RPS6KA5: variants seen among roughly 807,000 people sequenced by gnomAD.
The protein encoded by RPS6KA5 is ribosomal protein S6 kinase alpha-5.
A neutral mutation model predicts 85.5 loss-of-function variants in RPS6KA5; 27 were observed. That is an observed-to-expected ratio of 0.32 (90% CI 0.23 to 0.44). RPS6KA5 has a LOEUF of 0.44. Ranked by LOEUF, RPS6KA5 falls within the 20% of genes least tolerant of loss-of-function variation. The pLI, the probability that RPS6KA5 is intolerant of heterozygous loss-of-function variation, is 1.00. For missense variants in RPS6KA5, 811 were observed against 980.9 expected, an observed-to-expected ratio of 0.83 and a Z score of 2.31; for synonymous variants, 334 against 348.2, an observed-to-expected ratio of 0.96 and a Z score of 0.46.
At chr14:91,033,986 T>C (rs181390414) in intron 1 of RPS6KA5, among the ~76,000 whole-genome samples, 192 of 152,184 alleles carry the variant, frequency 1.3e-3, no homozygotes, top group African/African-American at 4.1e-3. Context: ...TCCAAGAACA[T>C]AAGGCTATGC....
At chr14:91,053,711 T>G (rs1205393108) in intron 1 of RPS6KA5, among the ~76,000 whole-genome samples, 1 of 152,198 alleles carries the variant, frequency 6.6e-6, no homozygotes, top group Non-Finnish European at 1.5e-5. Flanking sequence ...CCTAAATAAA[T>G]GGAAAGACAT....
At chr14:91,018,128 CCACAAACA>C (rs2139776555) in intron 1 of RPS6KA5, among the ~76,000 whole-genome samples, 1 of 152,248 alleles carries the variant, frequency 6.6e-6, no homozygotes, top group Admixed American at 6.5e-5. Context: ...AGGTAAAAAA[CCACAAACA>C]TCTCAGGTGC....
chr14:90,885,625 C>CCAGCT (rs1318841532), intron 14 of RPS6KA5, among the ~76,000 whole-genome samples: 21 of 134,494 alleles, frequency 1.6e-4, no homozygotes, highest in African/African-American at 5.5e-4. Context: ...GCCTGTAGTC[C>CCAGCT]CAGCTACTCG....
chr14:90,924,429 T>A (rs992432058), intron 5 of RPS6KA5, among the ~76,000 whole-genome samples: 1 of 152,274 alleles, frequency 6.6e-6, no homozygotes, highest in Middle Eastern at 3.4e-3. Context: ...CTGATGAGAT[T>A]TGACAGGGGA....
At chr14:90,992,385 C>T (rs760483071) in intron 2 of RPS6KA5, among the ~76,000 whole-genome samples, 28 of 152,166 alleles carry the variant, frequency 1.8e-4, no homozygotes, top group Non-Finnish European at 3.2e-4. Context: ...AAAGGTAAAA[C>T]ATTACAGGTA....
chr14:90,971,612 T>C (rs1383576983), intron 3 of RPS6KA5, among the ~76,000 whole-genome samples: 2 of 152,216 alleles, frequency 1.3e-5, no homozygotes, highest in Admixed American at 1.3e-4. Flanking sequence ...AATGGCAAGA[T>C]AATACTAACA....
Position 90,860,031 on chromosome 14 carries a change from G to C in RPS6KA5, c.*12043C>G, listed in dbSNP as rs2032465571. The C allele has an allele frequency of 6.6e-6, 1 of 152,152 alleles. No individual in the cohort carries two copies. Among genetic ancestry groups the C allele is most frequent in the Non-Finnish European group, 1.5e-5 (1 of 68,054 alleles). The allele number at this position is 152,152 out of a possible 1,614,324, so 9.4% of individuals were successfully genotyped here. ...ATTTGGTGACAGGTTGATGGGTGCA[G>C]CAAACCACCAGGGCACGTGTATACC... On this transcript the variant is annotated 3_prime_UTR_variant, in exon 17 of 17. Coordinates refer to ENST00000614987, the MANE Select transcript of RPS6KA5 (RefSeq NM_004755.4).
rs58737573 is a variant in RPS6KA5 at position 91,030,611 on chromosome 14, GAAAAAAAAAAAAA to G, written c.104-29465_104-29453del. Among the ~76,000 whole-genome samples, 118 of 22,082 alleles carry G rather than the reference GAAAAAAAAAAAAA, an allele frequency of 5.3e-3. 1 individual carries two copies. Among genetic ancestry groups the G allele is most frequent in the African/African-American group, 0.013 (98 of 7,744 alleles). The allele number at this position is 22,082 out of a possible 152,430, so 14.5% of individuals were successfully genotyped here. A position where few individuals can be genotyped will look rare whatever the true frequency, so the allele number is the denominator to read the frequency against. ...AACATGCAAGACACCAAAATAAACA[GAAAAAAAAAAAAA>G]AAAAAAAAAAAAAAAGGAAGTTCAG... On this transcript the variant is annotated intron_variant, in intron 1 of 16. Transcript: ENST00000614987.
intron 5 of RPS6KA5, among the ~76,000 whole-genome samples, chr14:90,940,321 C>G (rs969311403): frequency 6.6e-6 from 1 of 152,068 alleles, no homozygotes; most frequent in Non-Finnish European, 1.5e-5. Context: ...ATTTTTGCAC[C>G]CAGACCACTA....
intron 14 of RPS6KA5, among the ~76,000 whole-genome samples, chr14:90,888,676 T>C (rs1435307331): frequency 6.6e-6 from 1 of 152,100 alleles, no homozygotes; most frequent in Non-Finnish European, 1.5e-5. Context: ...AACAAAATAA[T>C]TCTAGAGAAA....
chr14:90,849,818 T>C lies in RPS6KA5; in HGVS notation c.*22256A>G, dbSNP rs2031898868. 1 of 152,260 alleles carries C rather than the reference T, an allele frequency of 6.6e-6. No individual in the cohort carries two copies. The highest frequency in any genetic ancestry group is 1.5e-5 in the Non-Finnish European group (1 of 68,056). The allele number at this position is 152,260 out of a possible 1,614,324, so 9.4% of individuals were successfully genotyped here. A position where few individuals can be genotyped will look rare whatever the true frequency, so the allele number is the denominator to read the frequency against. On this transcript the variant is annotated 3_prime_UTR_variant, in exon 17 of 17. Coordinates refer to ENST00000614987, the MANE Select transcript of RPS6KA5 (RefSeq NM_004755.4). Reference sequence around the variant, plus strand: ...AAAGGGTGACGTTACCCGTTGATGCTAGATGATGTCCTCAAACCTGACGTA... The same window carrying C: ...AAAGGGTGACGTTACCCGTTGATGCCAGATGATGTCCTCAAACCTGACGTA...
chr14:90,919,214 T>C (rs1428293131), intron 7 of RPS6KA5, among the ~76,000 whole-genome samples: 1 of 152,176 alleles, frequency 6.6e-6, no homozygotes, highest in African/African-American at 2.4e-5. Flanking sequence ...CCTCCTGAAC[T>C]GCGTCTGGGT....
At chr14:90,923,320 T>C in intron 5 of RPS6KA5, 124 bp from the exon 6 acceptor site, 3 of 715,406 alleles carry the variant, frequency 4.2e-6, no homozygotes, top group Middle Eastern at 2.5e-4. Flanking sequence ...AGAATCTACT[T>C]GACAGACCCA....
At chr14:90,935,658 A>G (rs1008189163) in intron 5 of RPS6KA5, among the ~76,000 whole-genome samples, 3 of 152,166 alleles carry the variant, frequency 2.0e-5, no homozygotes, top group African/African-American at 7.2e-5. Flanking sequence ...GCAAGGTTAG[A>G]TTTTTCTACT....
chr14:90,934,590 C>A (rs1050731835), intron 5 of RPS6KA5, among the ~76,000 whole-genome samples: 2 of 152,090 alleles, frequency 1.3e-5, no homozygotes, highest in Non-Finnish European at 1.5e-5. Flanking sequence ...TTGGAAGTTT[C>A]TGTGAAAATA....
chr14:91,031,752 C>T (rs1000494025), intron 1 of RPS6KA5, among the ~76,000 whole-genome samples: 2 of 151,904 alleles, frequency 1.3e-5, no homozygotes, highest in East Asian at 1.9e-4. Context: ...ACACTTGGCC[C>T]CACAATGAAT....
chr14:90,922,420 T>C (rs1334996777), intron 6 of RPS6KA5, among the ~76,000 whole-genome samples: 1 of 152,180 alleles, frequency 6.6e-6, no homozygotes, highest in Non-Finnish European at 1.5e-5. Flanking sequence ...ACTTGTATCC[T>C]AAAAGGCCAG....
rs5810526 is a variant in RPS6KA5, at chr14:90,976,202, G to GA, written c.394+2103dup. Among the ~76,000 whole-genome samples the GA allele has an allele frequency of 5.9e-3, 641 of 108,996 alleles. 4 individuals are homozygous for GA. Among genetic ancestry groups the GA allele is most frequent in the Middle Eastern group, 0.01 (2 of 198 alleles). The allele number at this position is 108,996 out of a possible 152,430, so 71.5% of individuals were successfully genotyped here. ...CATATTGAGTATAGTTAAGAGAACA[G>GA]AAAAAAAAAAAAAAAAAAAAGAGAG... On this transcript the variant is annotated intron_variant, in intron 3 of 16. Transcript: ENST00000614987.
At chr14:90,977,696 A>G (rs1268796721) in intron 3 of RPS6KA5, among the ~76,000 whole-genome samples, 1 of 152,208 alleles carries the variant, frequency 6.6e-6, no homozygotes, top group African/African-American at 2.4e-5. Context: ...AGTTCCTCAC[A>G]TTTGAATGGA....
Sources: gnomAD v4.1 joint callset for allele counts (sites outside exome capture counted in the v4.1 genomes callset) on GRCh38, gnomAD v4.1.1 for gene constraint, MANE v1.5 for transcripts, NCBI Gene and HGNC (gene_info 2026-07-23, HGNC 2026-07-21) for gene names.